Variants in ATP9A observed in about 807,000 individuals in gnomAD.
ATP9A encodes the protein ATPase phospholipid transporting 9A.
A neutral mutation model predicts 144.1 loss-of-function variants in ATP9A; 52 were observed. The observed-to-expected ratio is 0.36, with a 90% CI of 0.29 to 0.45. ATP9A has a LOEUF of 0.45. Among genes scored for constraint, ATP9A ranks in the 20% least tolerant of loss-of-function variants. The pLI is 1.00. For missense variants in ATP9A, 947 were observed against 1,392.7 expected (o/e 0.68, Z 5.09); for synonymous variants, 582 against 557.4 (o/e 1.04, Z -0.62).
At chr20:51,607,055 A>T (rs951109407) in intron 26 of ATP9A, among the ~76,000 whole-genome samples, 7 of 151,648 alleles carry the variant, frequency 4.6e-5, no homozygotes, top group Non-Finnish European at 1.0e-4. Flanking sequence ...ATATATGTAA[A>T]TTTAAAAGAG....
intron 2 of ATP9A, among the ~76,000 whole-genome samples, chr20:51,727,487 G>C (rs1415206439): frequency 6.6e-6 from 1 of 152,022 alleles, no homozygotes; most frequent in East Asian, 1.9e-4. Context: ...TCAGGAGGCT[G>C]AAGTGGGAGG....
chr20:51,678,081 G>A (rs1286805411), intron 9 of ATP9A, among the ~76,000 whole-genome samples: 4 of 148,108 alleles, frequency 2.7e-5, no homozygotes, highest in Admixed American at 1.4e-4. Context: ...AGTGAGTGGC[G>A]CTAGGCTGAA....
intron 4 of ATP9A, among the ~76,000 whole-genome samples, chr20:51,708,635 C>T (rs962350621): frequency 7.9e-5 from 12 of 152,142 alleles, no homozygotes; most frequent in African/African-American, 2.6e-4. Flanking sequence ...CTTGAGTGGC[C>T]GAGGCAGGGA....
At chr20:51,649,365 G>A (rs969940473) in intron 14 of ATP9A, among the ~76,000 whole-genome samples, 6 of 152,168 alleles carry the variant, frequency 3.9e-5, no homozygotes, top group East Asian at 1.9e-4. Flanking sequence ...CCAGCTATGC[G>A]ACCATGGGAA....
Position 51,608,633 on chromosome 20 carries a change from G to A in ATP9A, c.2637-7C>T, listed in dbSNP as rs761551072. ...GGTGTAAATTGTGGAGTACCTGGGA[G>A]AGAAAACCGCCATAGGTAAGACCTG... On this transcript the variant is annotated splice_polypyrimidine_tract_variant and splice_region_variant and intron_variant, in intron 24 of 27. Transcript: ENST00000338821. The A allele has an allele frequency of 1.9e-6, 3 of 1,575,648 alleles. No individual in the cohort carries two copies. Among genetic ancestry groups the A allele is most frequent in the Non-Finnish European group, 2.6e-6 (3 of 1,145,174 alleles).
chr20:51,606,638 G>A (rs550064774), intron 26 of ATP9A, among the ~76,000 whole-genome samples: 18 of 152,294 alleles, frequency 1.2e-4, no homozygotes, highest in African/African-American at 3.6e-4. Flanking sequence ...GTCAGCACCC[G>A]ACAGGATCCA....
chr20:51,610,130 G>A lies in ATP9A; in HGVS notation c.2607C>T (p.Val869=). 1 of 1,610,394 alleles carries A rather than the reference G, an allele frequency of 6.2e-7. No individual in the cohort carries two copies. Among genetic ancestry groups the A allele is most frequent in the Non-Finnish European group, 8.5e-7 (1 of 1,176,604 alleles). The change falls in exon 24 of 28, where the codon GTC becomes GTT. Residue 869 remains valine (V), a synonymous_variant. Coordinates refer to ENST00000338821, the MANE Select transcript of ATP9A (RefSeq NM_006045.3). ...VFSSVFYFAS[V]PLYQGFLIIG... ...TGATGAGGAATCCTTGATAGAGAGGGACGGAGGCAAAGTAAAACACGGAGG... is the reference window on the plus strand; with the variant it reads ...TGATGAGGAATCCTTGATAGAGAGGAACGGAGGCAAAGTAAAACACGGAGG...
chr20:51,765,367 T>C (rs976315259), intron 1 of ATP9A, among the ~76,000 whole-genome samples: 2 of 152,096 alleles, frequency 1.3e-5, no homozygotes, highest in South Asian at 4.1e-4. Context: ...GTTTAAGAAA[T>C]AGATTGGCCA....
At position 51,658,888 on chromosome 20, in the gene ATP9A, CGGGGGG is replaced by C. The variant is rs11477336; in HGVS notation, c.1294-1744_1294-1739del. Among the ~76,000 whole-genome samples the C allele has an allele frequency of 1.5e-3, 80 of 54,852 alleles. 19 individuals carry two copies. Among genetic ancestry groups the C allele is most frequent in the African/African-American group, 6.0e-3 (71 of 11,926 alleles). 36.0% of individuals were successfully genotyped at this position (54,852 alleles called of 152,430 possible). A position where few individuals can be genotyped will look rare whatever the true frequency, so the allele number is the denominator to read the frequency against. On this transcript the variant is annotated intron_variant, in intron 13 of 27. Coordinates refer to ENST00000338821, the MANE Select transcript of ATP9A (RefSeq NM_006045.3). Reference sequence around the variant, plus strand: ...ATATAATGAAAATTAAGACCACTGGCGGGGGGGGGGGGGGGAAGGCTCATTGTTGAA... The same window carrying C: ...ATATAATGAAAATTAAGACCACTGGCGGGGGGGGGAAGGCTCATTGTTGAA...
chr20:51,636,315 A>G (rs1388022349), intron 15 of ATP9A, among the ~76,000 whole-genome samples: 1 of 152,158 alleles, frequency 6.6e-6, no homozygotes, highest in Non-Finnish European at 1.5e-5. Context: ...ATGGCACACA[A>G]CTTAAAACTT....
intron 16 of ATP9A, 31 bp from the exon 17 acceptor site, chr20:51,627,714 G>A (rs530064677): frequency 2.2e-5 from 34 of 1,577,446 alleles, no homozygotes; most frequent in Middle Eastern, 3.3e-4. Context: ...GAGTGGGAGC[G>A]GTGCTGAGAG....
intron 14 of ATP9A, among the ~76,000 whole-genome samples, chr20:51,651,498 T>A (rs1190125226): frequency 6.7e-6 from 1 of 150,264 alleles, no homozygotes; most frequent in Non-Finnish European, 1.5e-5. Flanking sequence ...TTAGAAGGAG[T>A]CTGAGAAAAT....
At chr20:51,711,021 G>T (rs1475239104) in intron 4 of ATP9A, among the ~76,000 whole-genome samples, 1 of 152,030 alleles carries the variant, frequency 6.6e-6, no homozygotes, top group Non-Finnish European at 1.5e-5. Flanking sequence ...TGTTATTAAG[G>T]GAGGATTTAA....
At chr20:51,755,921 C>T (rs1173688959) in intron 1 of ATP9A, among the ~76,000 whole-genome samples, 1 of 151,752 alleles carries the variant, frequency 6.6e-6, no homozygotes. Context: ...TGCCACTGAA[C>T]TCCAGCCTGG....
chr20:51,604,815 A>G lies in ATP9A; in HGVS notation c.3007+2T>C. On this transcript the variant is annotated splice_donor_variant, in intron 27 of 27. Transcript: ENST00000338821. LOFTEE classifies it high-confidence loss of function. Reference sequence around the variant, plus strand: ...CGGGGTTTAAGCATTCAGGGGTCTTACCGATGAACTCGTGTAAGAACACCA... The same window carrying G: ...CGGGGTTTAAGCATTCAGGGGTCTTGCCGATGAACTCGTGTAAGAACACCA... The G allele has an allele frequency of 6.7e-7, 1 of 1,494,700 alleles. No homozygotes were observed. The highest frequency in any genetic ancestry group is 9.0e-7 in the Non-Finnish European group (1 of 1,116,126). 92.6% of individuals were successfully genotyped at this position (1,494,700 alleles called of 1,614,324 possible). A position where few individuals can be genotyped will look rare whatever the true frequency, so the allele number is the denominator to read the frequency against.
chr20:51,693,063 A>G (rs6013258), intron 7 of ATP9A, among the ~76,000 whole-genome samples: 99,350 of 152,006 alleles, frequency 0.65, 32,521 homozygotes, highest in East Asian at 0.69. Flanking sequence ...GCCACTCACC[A>G]GGCACTTAAG....
intron 22 of ATP9A, among the ~76,000 whole-genome samples, chr20:51,616,223 T>C (rs2077202416): frequency 1.3e-5 from 2 of 152,272 alleles, no homozygotes; most frequent in Admixed American, 1.3e-4. Context: ...AAAAGCCCTA[T>C]GGGTCAGCCA....
chr20:51,723,213 G>C (rs1457133372), intron 3 of ATP9A, among the ~76,000 whole-genome samples: 2 of 152,072 alleles, frequency 1.3e-5, no homozygotes, highest in African/African-American at 4.8e-5. Flanking sequence ...GGACACAAAG[G>C]CATAAGAATG....
At chr20:51,641,006 C>T (rs1469701810) in intron 14 of ATP9A, among the ~76,000 whole-genome samples, 1 of 152,086 alleles carries the variant, frequency 6.6e-6, no homozygotes, top group Non-Finnish European at 1.5e-5. Flanking sequence ...AGGAGGATCA[C>T]TTGAGCCCAG....
Sources: gnomAD v4.1 joint callset for allele counts (sites outside exome capture counted in the v4.1 genomes callset) on GRCh38, gnomAD v4.1.1 for gene constraint, MANE v1.5 for transcripts, NCBI Gene and HGNC (gene_info 2026-07-23, HGNC 2026-07-21) for gene names.